Variants in SRD5A2 observed in about 807,000 individuals in gnomAD.
The protein encoded by SRD5A2 is 3-oxo-5-alpha-steroid 4-dehydrogenase 2.
SRD5A2 carries 30 observed loss-of-function variants against 27.4 expected under a neutral mutation model. The ratio of observed to expected loss-of-function variants is 1.10; its 90% CI spans 0.82 to 1.49. SRD5A2 has a LOEUF of 1.49. SRD5A2 is among the 40% of genes most tolerant of loss of function. The probability of loss-of-function intolerance (pLI) is 0.00; values close to 1 mark genes in which losing one functional copy is unlikely to be tolerated. For missense variants in SRD5A2, 348 were observed against 323.4 expected (o/e 1.08, Z -0.58); for synonymous variants, 141 against 133.6 (o/e 1.06, Z -0.38).
At chr2:31,554,924 C>CGTGTGTGTGTGTGTGTGTGTGTGT (rs59697517) in intron 1 of SRD5A2, among the ~76,000 whole-genome samples, 1 of 132,134 alleles carries the variant, frequency 7.6e-6, no homozygotes, top group African/African-American at 2.9e-5. Context: ...CTATCCTGAT[C>CGTGTGTGTGTGTGTGTGTGTGTGT]GTGTGTGTGT....
chr2:31,533,689 G>C lies in SRD5A2; in HGVS notation c.359C>G (p.Thr120Ser). The change falls in exon 2 of 5, where the codon ACT becomes AGT. Residue 120 changes from threonine (T) to serine (S), a missense_variant. Thr to Ser is a moderately conservative substitution (Grantham distance 58). Transcript: ENST00000622030. The stretch of plus-strand genomic sequence containing the variant: ...GTAGCCTTGAAGGACTCCATTTCCA[G>C]TGCAGAAGGCAGTGCCTCTGAGAAT... ...ILILRGTAFC[T>S]GNGVLQGYYL... is the part of the protein sequence containing the mutation. The C allele has an allele frequency of 6.3e-7, 1 of 1,585,128 alleles. No individual in the cohort carries two copies. The highest frequency in any genetic ancestry group is 8.6e-7 in the Non-Finnish European group (1 of 1,165,054).
intron 1 of SRD5A2, among the ~76,000 whole-genome samples, chr2:31,545,764 C>T (rs1180567620): frequency 1.3e-5 from 2 of 152,138 alleles, no homozygotes; most frequent in African/African-American, 2.4e-5. Flanking sequence ...AAAGAAGGAA[C>T]TAAAATTATC....
chr2:31,549,543 C>T (rs907856045), intron 1 of SRD5A2, among the ~76,000 whole-genome samples: 1 of 151,736 alleles, frequency 6.6e-6, no homozygotes, highest in Non-Finnish European at 1.5e-5. Context: ...TATTTTGCCA[C>T]AATAAAAAAT....
intron 1 of SRD5A2, among the ~76,000 whole-genome samples, chr2:31,558,556 C>T (rs1236425667): frequency 6.6e-6 from 1 of 152,182 alleles, no homozygotes; most frequent in Non-Finnish European, 1.5e-5. Context: ...GGCCATCGTC[C>T]CGGTGTTTCC....
At chr2:31,654,021 T>C in the SRD5A2 span, among the ~76,000 whole-genome samples, 2 of 151,586 alleles carry the variant, frequency 1.3e-5, no homozygotes, top group Non-Finnish European at 2.9e-5. Flanking sequence ...GTATAGGGGT[T>C]GCCAAAAGTA....
Position 31,540,665 on chromosome 2 carries a change from C to T in SRD5A2, c.282-6899G>A, listed in dbSNP as rs140355703. 9.2e-4 allele frequency among the ~76,000 whole-genome samples: 140 copies of T among 152,280 alleles called. No individual in the cohort carries two copies. The East Asian group carries it at 0.024, about 26-fold the overall frequency. On this transcript the variant is annotated intron_variant, in intron 1 of 4. Transcript: ENST00000622030. ...TTGGAAATCTGGAGTCTATTGAAGG[C>T]TTGCAACTTTCAGGGAAACATTTGG...
the SRD5A2 span, among the ~76,000 whole-genome samples, chr2:31,653,502 T>G: frequency 6.6e-6 from 1 of 152,200 alleles, no homozygotes; most frequent in Admixed American, 6.5e-5. Context: ...TTGTTTCTTA[T>G]GAAATAATTG....
chr2:31,581,125 T>A, upstream of SRD5A2: 1 of 561,250 alleles, frequency 1.8e-6, no homozygotes, highest in Admixed American at 3.2e-5. Context: ...GAAGGCCTTC[T>A]TAGTTCGCCC....
At chr2:31,611,612 C>T in the SRD5A2 span, among the ~76,000 whole-genome samples, 13 of 152,224 alleles carry the variant, frequency 8.5e-5, no homozygotes, top group Middle Eastern at 6.8e-3. Flanking sequence ...AATCCTGAAA[C>T]TGCAAATTAA....
At chr2:31,602,303 C>G in the SRD5A2 span, among the ~76,000 whole-genome samples, 1 of 151,994 alleles carries the variant, frequency 6.6e-6, no homozygotes, top group African/African-American at 2.4e-5. Context: ...GACTGAACTC[C>G]CGTTCACAAT....
chr2:31,575,776 T>C (rs1306164744), intron 1 of SRD5A2, among the ~76,000 whole-genome samples: 1 of 152,234 alleles, frequency 6.6e-6, no homozygotes, highest in Non-Finnish European at 1.5e-5. Context: ...TTTCACAATG[T>C]AGTCACTTCT....
rs982111595 is a variant in SRD5A2, at chr2:31,524,151, C to T, written c.*2045G>A. On this transcript the variant is annotated 3_prime_UTR_variant, in exon 5 of 5. Transcript: ENST00000622030. The stretch of plus-strand genomic sequence containing the variant: ...TGTATATTTATTTCATCTCAAGGAC[C>T]GGCCTGGATGTTTTACATGGTAGTA... 3.6e-5 allele frequency: 8 copies of T among 223,346 alleles called. No individual in the cohort carries two copies. Among genetic ancestry groups the T allele is most frequent in the South Asian group, 1.8e-4 (1 of 5,424 alleles). The allele number at this position is 223,346 out of a possible 1,614,324, so 13.8% of individuals were successfully genotyped here. A position where few individuals can be genotyped will look rare whatever the true frequency, so the allele number is the denominator to read the frequency against.
At chr2:31,647,896 T>C in the SRD5A2 span, among the ~76,000 whole-genome samples, 2 of 152,344 alleles carry the variant, frequency 1.3e-5, no homozygotes, top group East Asian at 1.9e-4. Flanking sequence ...ATGTGTCTAA[T>C]TTTTTTATGA....
chr2:31,583,736 A>G (rs997007752), upstream of SRD5A2, among the ~76,000 whole-genome samples: 1 of 151,840 alleles, frequency 6.6e-6, no homozygotes, highest in Admixed American at 6.6e-5. Context: ...ATTTCGGGTA[A>G]GTGGAATCAT....
chr2:31,657,624 T>C, the SRD5A2 span, among the ~76,000 whole-genome samples: 1 of 152,194 alleles, frequency 6.6e-6, no homozygotes, highest in Non-Finnish European at 1.5e-5. Flanking sequence ...AATAAAAAAC[T>C]AATCATATTA....
chr2:31,647,822 C>G, the SRD5A2 span, among the ~76,000 whole-genome samples: 5 of 152,186 alleles, frequency 3.3e-5, no homozygotes, highest in African/African-American at 1.2e-4. Flanking sequence ...GATAATGCCT[C>G]TAAAATACAT....
rs1665737931 is a variant in SRD5A2 at position 31,524,850 on chromosome 2, C to T, written c.*1346G>A. ...CGTTCGGCCCCTTCCTTAGAGAGTC[C>T]ATATCTCAGCACTCATGCTGGGGTG... On this transcript the variant is annotated 3_prime_UTR_variant, in exon 5 of 5. Transcript: ENST00000622030. 4.4e-6 allele frequency: 1 copy of T among 226,486 alleles called. No homozygotes were observed. Among genetic ancestry groups the T allele is most frequent in the South Asian group, 1.8e-4 (1 of 5,470 alleles). 14.0% of individuals were successfully genotyped at this position (226,486 alleles called of 1,614,324 possible).
chr2:31,579,470 G>C (rs1667026222), intron 1 of SRD5A2, among the ~76,000 whole-genome samples: 2 of 152,156 alleles, frequency 1.3e-5, no homozygotes, highest in Non-Finnish European at 1.5e-5. Context: ...GATTTCGTTT[G>C]ATAACTTTTC....
chr2:31,639,456 C>T, the SRD5A2 span, among the ~76,000 whole-genome samples: 3 of 152,102 alleles, frequency 2.0e-5, no homozygotes, highest in Middle Eastern at 3.4e-3. Flanking sequence ...GAAAAGTTTC[C>T]TTTCACATGT....
Sources: gnomAD v4.1 joint callset for allele counts (sites outside exome capture counted in the v4.1 genomes callset) on GRCh38, gnomAD v4.1.1 for gene constraint, MANE v1.5 for transcripts, NCBI Gene and HGNC (gene_info 2026-07-23, HGNC 2026-07-21) for gene names.